Variants in CNBD1 observed in about 807,000 individuals in gnomAD.
CNBD1 encodes the protein cyclic nucleotide binding domain containing 1, also known as cyclic nucleotide-binding domain-containing protein 1.
CNBD1 carries 71 observed loss-of-function variants against 54.4 expected under a neutral mutation model. The ratio of observed to expected loss-of-function variants is 1.30; its 90% CI spans 1.08 to 1.59. The LOEUF (loss-of-function observed/expected upper bound fraction) is 1.59, where lower values mean the gene tolerates loss of function less well. Among genes scored for constraint, CNBD1 ranks in the 40% most tolerant of loss-of-function variants. The pLI is 0.00. For synonymous variants in CNBD1, 182 were observed against 170.7 expected, an observed-to-expected ratio of 1.07 and a Z score of -0.51; for missense variants, 659 against 518.0, an observed-to-expected ratio of 1.27 and a Z score of -2.64.
intron 8 of CNBD1, among the ~76,000 whole-genome samples, chr8:87,345,091 T>A (rs898579277): frequency 1.3e-5 from 2 of 152,184 alleles, no homozygotes; most frequent in Admixed American, 6.5e-5. Flanking sequence ...TCTAACAAAC[T>A]CTGTGACACA....
chr8:87,397,950 G>C (rs1206707130), intron 2 of CNBD1, among the ~76,000 whole-genome samples: 1 of 151,918 alleles, frequency 6.6e-6, no homozygotes, highest in Non-Finnish European at 1.5e-5. Context: ...GATGTGACTT[G>C]CTCCTCCTTC....
At chr8:87,383,007 G>A (rs1356131065), downstream of CNBD1, 4 of 164,486 alleles carry the variant, frequency 2.4e-5, no homozygotes, top group Non-Finnish European at 3.9e-5. Context: ...TGACTGTCAG[G>A]GTTTGGATTG....
At chr8:87,125,442 AT>A (rs1811972128) in intron 4 of CNBD1, among the ~76,000 whole-genome samples, 1 of 151,840 alleles carries the variant, frequency 6.6e-6, no homozygotes, top group Non-Finnish European at 1.5e-5. Flanking sequence ...ATATCGGCCA[AT>A]AAAACAGTAT....
chr8:87,129,056 C>G (rs1812059418), intron 4 of CNBD1, among the ~76,000 whole-genome samples: 1 of 25,086 alleles, frequency 4.0e-5, no homozygotes, highest in Non-Finnish European at 1.1e-4. Flanking sequence ...AGCCACAGAG[C>G]AAGACTCTGC....
intron 4 of CNBD1, among the ~76,000 whole-genome samples, chr8:87,134,295 A>T (rs527836907): frequency 6.6e-6 from 1 of 152,240 alleles, no homozygotes; most frequent in African/African-American, 2.4e-5. Flanking sequence ...GGAAGCTGTG[A>T]CTTTGGAAAA....
intron 6 of CNBD1, among the ~76,000 whole-genome samples, chr8:87,268,242 T>C (rs1435435374): frequency 6.6e-6 from 1 of 152,168 alleles, no homozygotes; most frequent in East Asian, 1.9e-4. Flanking sequence ...ACTTAGATAA[T>C]GGCCTACAGA....
At chr8:86,943,383 A>AAAAAAAAAAAAAAAAAC (rs1807384142) in intron 4 of CNBD1, among the ~76,000 whole-genome samples, 1 of 151,306 alleles carries the variant, frequency 6.6e-6, no homozygotes, top group Non-Finnish European at 1.5e-5. Context: ...AAAAAAAAAA[A>AAAAAAAAAAAAAAAAAC]AAAAAAAGAA....
At position 87,166,093 on chromosome 8, in the gene CNBD1, T is replaced by C. The variant is rs1812957448; in HGVS notation, c.432-39900T>C. ...CTACCATATCTGAAATAAAACTAACTCTTGGTTTCCTCTGCTGATCTGTCC... is the reference window on the plus strand; with the variant it reads ...CTACCATATCTGAAATAAAACTAACCCTTGGTTTCCTCTGCTGATCTGTCC... On this transcript the variant is annotated intron_variant, in intron 4 of 10. Coordinates refer to ENST00000518476, the MANE Select transcript of CNBD1 (RefSeq NM_173538.3). The surrounding 1 kb of genome is among the most constrained non-coding windows in gnomAD (Gnocchi z 4.3). Among the ~76,000 whole-genome samples the C allele has an allele frequency of 6.6e-6, 1 of 151,934 alleles. No homozygotes were observed. The highest frequency in any genetic ancestry group is 1.5e-5 in the Non-Finnish European group (1 of 67,916).
At chr8:87,374,748 TAGC>T (rs1307201333) in intron 10 of CNBD1, among the ~76,000 whole-genome samples, 3 of 151,832 alleles carry the variant, frequency 2.0e-5, no homozygotes, top group Non-Finnish European at 2.9e-5. Flanking sequence ...TACTCCAAAA[TAGC>T]AGCATCACGT....
At chr8:86,976,962 C>T (rs1056786643) in intron 4 of CNBD1, among the ~76,000 whole-genome samples, 2 of 151,922 alleles carry the variant, frequency 1.3e-5, no homozygotes, top group Non-Finnish European at 2.9e-5. Context: ...ATCATTCTAT[C>T]GGCAAACAGA....
intron 4 of CNBD1, among the ~76,000 whole-genome samples, chr8:87,074,667 G>C (rs1290281279): frequency 2.0e-5 from 3 of 152,112 alleles, no homozygotes; most frequent in African/African-American, 7.2e-5. Context: ...GCTTCCCTTG[G>C]CTGGGAGTCA....
At chr8:86,877,649 T>C (rs560370944) in intron 1 of CNBD1, among the ~76,000 whole-genome samples, 22 of 152,280 alleles carry the variant, frequency 1.4e-4, no homozygotes, top group Admixed American at 3.9e-4. Context: ...ACCTAGAACA[T>C]CTAATCTTTT....
chr8:87,336,659 G>A (rs62526775), intron 8 of CNBD1, among the ~76,000 whole-genome samples: 7,312 of 152,104 alleles, frequency 0.048, 217 homozygotes, highest in Non-Finnish European at 0.06. Flanking sequence ...TTACCTCAGT[G>A]AAGTTTGTTA....
chr8:87,406,640 C>T (rs561198566), intron 2 of CNBD1, among the ~76,000 whole-genome samples: 9 of 152,066 alleles, frequency 5.9e-5, no homozygotes, highest in African/African-American at 2.2e-4. Context: ...CCACCACGCC[C>T]ATCTAATTTT....
intron 4 of CNBD1, among the ~76,000 whole-genome samples, chr8:87,025,837 G>A (rs1039249413): frequency 5.3e-5 from 8 of 152,210 alleles, no homozygotes; most frequent in Non-Finnish European, 1.0e-4. Flanking sequence ...ACGACTGTCT[G>A]CGGCTTCATT....
chr8:87,409,938 G>A (rs1000138114), intron 2 of CNBD1, among the ~76,000 whole-genome samples: 11 of 151,996 alleles, frequency 7.2e-5, no homozygotes, highest in East Asian at 5.8e-4. Flanking sequence ...CAGGAGAATC[G>A]CTTGAACCCA....
chr8:86,978,114 T>C (rs111480162), intron 4 of CNBD1, among the ~76,000 whole-genome samples: 22 of 152,340 alleles, frequency 1.4e-4, no homozygotes, highest in African/African-American at 4.8e-4. Flanking sequence ...TGGAATGTAC[T>C]GTATCACTCT....
intron 3 of CNBD1, among the ~76,000 whole-genome samples, chr8:86,925,730 C>CA (rs71275895): frequency 0.025 from 3,551 of 141,598 alleles, 56 homozygotes; most frequent in African/African-American, 0.051. Context: ...AAAAAAATAC[C>CA]AAAAAAAAAA....
At chr8:87,226,118 G>A (rs1814482180) in intron 5 of CNBD1, among the ~76,000 whole-genome samples, 1 of 152,096 alleles carries the variant, frequency 6.6e-6, no homozygotes, top group Admixed American at 6.5e-5. Flanking sequence ...GCATCTGTTT[G>A]ATTCTTCTCT....
Sources: gnomAD v4.1 joint callset for allele counts (sites outside exome capture counted in the v4.1 genomes callset) on GRCh38, gnomAD v4.1.1 for gene constraint, Gnocchi (gnomAD v3.1) non-coding constraint, MANE v1.5 for transcripts, NCBI Gene and HGNC (gene_info 2026-07-23, HGNC 2026-07-21) for gene names.